Variants in ZNF513 observed in about 807,000 individuals in gnomAD.
ZNF513 encodes the protein zinc finger protein 513.
In ZNF513, 16 loss-of-function variants were observed where a neutral mutation model predicts 39.7. The observed-to-expected ratio is 0.40, with a 90% CI of 0.27 to 0.61. ZNF513 has a LOEUF of 0.61. Among genes scored for constraint, ZNF513 ranks in the 20% least tolerant of loss-of-function variants. The probability of loss-of-function intolerance (pLI) is 0.39; values close to 1 mark genes in which losing one functional copy is unlikely to be tolerated. For synonymous variants in ZNF513, 348 were observed against 296.5 expected, an observed-to-expected ratio of 1.17 and a Z score of -1.79; for missense variants, 699 against 743.6, an observed-to-expected ratio of 0.94 and a Z score of 0.70.
chr2:27,380,083 G>A lies in ZNF513; in HGVS notation c.211+10C>T. The A allele has an allele frequency of 1.9e-6, 3 of 1,613,932 alleles. No homozygotes were observed. The highest frequency in any genetic ancestry group is 1.7e-5 in the Admixed American group (1 of 60,008). Reference sequence around the variant, plus strand: ...GGCCGCTAATCCTTAACCAAGACCCGAAAACCCACCTTCCGAGTCTCTCTC... The same window carrying A: ...GGCCGCTAATCCTTAACCAAGACCCAAAAACCCACCTTCCGAGTCTCTCTC... On this transcript the variant is annotated intron_variant, in intron 2 of 3. Transcript: ENST00000323703.
Position 27,378,381 on chromosome 2 carries a change from C to CAAAG in ZNF513, c.800-14_800-11dup, listed in dbSNP as rs1553311728. 1.9e-6 allele frequency: 3 copies of CAAAG among 1,606,404 alleles called. No individual in the cohort carries two copies. Among genetic ancestry groups the CAAAG allele is most frequent in the Non-Finnish European group, 2.5e-6 (3 of 1,179,922 alleles). ...GGAAGGAGCAGAGCATCTGTGGGGA[C>CAAAG]AAAGACCTGGGCTATGAATCCAATC... On this transcript the variant is annotated splice_polypyrimidine_tract_variant and intron_variant, in intron 3 of 3. Coordinates refer to ENST00000323703, the MANE Select transcript of ZNF513 (RefSeq NM_144631.6). The surrounding 1 kb of genome is among the most constrained non-coding windows in gnomAD (Gnocchi z 8.0).
In ZNF513 at chr2:27,378,768, C is replaced by G; in HGVS notation, c.498G>C (p.Lys166Asn). 1 of 1,614,034 alleles carries G rather than the reference C, an allele frequency of 6.2e-7. No individual in the cohort carries two copies. Among genetic ancestry groups the G allele is most frequent in the Non-Finnish European group, 8.5e-7 (1 of 1,179,942 alleles). The change falls in exon 3 of 4, where the codon AAG becomes AAC. Residue 166 changes from lysine to asparagine, a missense_variant. By Grantham distance (94) the Lys-to-Asn change is moderately conservative. Transcript: ENST00000323703. This position sits in a 1 kb window ranked among gnomAD's most constrained non-coding sequence, Gnocchi z 8.0. Reference sequence around the variant, plus strand: ...CTCCGCTGTGTGTCTGCATGTGCCGCTTCAGGTGGCTCGAGTAGTGGGACA... The same window carrying G: ...CTCCGCTGTGTGTCTGCATGTGCCGGTTCAGGTGGCTCGAGTAGTGGGACA... ...TFVSHYSSHL[K>N]RHMQTHSGEK...
intron 2 of ZNF513, among the ~76,000 whole-genome samples, chr2:27,379,814 G>T (rs984617790): frequency 2.0e-5 from 3 of 152,164 alleles, no homozygotes; most frequent in Non-Finnish European, 4.4e-5. Flanking sequence ...CATAAGGAAT[G>T]GGCTAGGGAG....
rs748307245 is a variant in ZNF513, at chr2:27,378,614, G to C, written c.652C>G (p.Leu218Val). 6.2e-7 allele frequency: 1 copy of C among 1,613,904 alleles called. No homozygotes were observed. Among genetic ancestry groups the C allele is most frequent in the South Asian group, 1.1e-5 (1 of 91,078 alleles). ...CGCTGATGCCGCCTCAGGTTGCCCA[G>C]GCTGCTGCAGGCAAAGGGGCAGTGG... is the stretch of plus-strand genomic sequence containing the variant. Reference protein sequence around the residue: ...CPHCPFACSSLGNLRRHQRTH... With the variant: ...CPHCPFACSSVGNLRRHQRTH... The change falls in exon 3 of 4, where the codon CTG becomes GTG. Residue 218 changes from leucine to valine, a missense_variant. Leu to Val is a conservative substitution (Grantham distance 32, BLOSUM62 1). Coordinates refer to ENST00000323703, the MANE Select transcript of ZNF513 (RefSeq NM_144631.6). This position sits in a 1 kb window ranked among gnomAD's most constrained non-coding sequence, Gnocchi z 8.0.
intron 1 of ZNF513, 64 bp downstream of exon 1, chr2:27,380,408 G>T (rs559102215): frequency 1.9e-6 from 3 of 1,575,394 alleles, no homozygotes; most frequent in South Asian, 1.1e-5. Context: ...CCTCCACCCT[G>T]ACCTGAGCCC....
In ZNF513 at chr2:27,377,352, G is replaced by GGGCC; in HGVS notation, c.*189_*192dup. The GGGCC allele has an allele frequency of 1.4e-6, 1 of 715,822 alleles. No individual in the cohort carries two copies. The highest frequency in any genetic ancestry group is 2.5e-6 in the Non-Finnish European group (1 of 397,900). The allele number at this position is 715,822 out of a possible 1,614,324, so 44.3% of individuals were successfully genotyped here. A position where few individuals can be genotyped will look rare whatever the true frequency, so the allele number is the denominator to read the frequency against. On this transcript the variant is annotated 3_prime_UTR_variant, in exon 4 of 4. Transcript: ENST00000323703. The surrounding 1 kb of genome is among the most constrained non-coding windows in gnomAD (Gnocchi z 4.4). ...CCTGGGGGCAGTGGAGGTGAATACA[G>GGGCC]GGCCCTTCTCACTGAGCTCGTGAAG...
Position 27,377,415 on chromosome 2 carries a change from CCCCCCCGCCCAT to C in ZNF513, c.*118_*129del, listed in dbSNP as rs1683364330. 1 of 1,013,540 alleles carries C rather than the reference CCCCCCCGCCCAT, an allele frequency of 9.9e-7. No individual in the cohort carries two copies. The highest frequency in any genetic ancestry group is 1.5e-6 in the Non-Finnish European group (1 of 667,280). The allele number at this position is 1,013,540 out of a possible 1,614,324, so 62.8% of individuals were successfully genotyped here. A position where few individuals can be genotyped will look rare whatever the true frequency, so the allele number is the denominator to read the frequency against. Reference sequence around the variant, plus strand: ...GGCAAGGTCCCCTGGTCCATATGGGCCCCCCCGCCCATGGGGTTGGGCTGGTCCTTATAGTGC... The same window carrying C: ...GGCAAGGTCCCCTGGTCCATATGGGCGGGGTTGGGCTGGTCCTTATAGTGC... On this transcript the variant is annotated 3_prime_UTR_variant, in exon 4 of 4. Coordinates refer to ENST00000323703, the MANE Select transcript of ZNF513 (RefSeq NM_144631.6). This position sits in a 1 kb window ranked among gnomAD's most constrained non-coding sequence, Gnocchi z 4.4.
rs757199794 is a variant in ZNF513 at position 27,380,181 on chromosome 2, G to A, written c.123C>T (p.Gly41=). Residue 41 remains glycine, a synonymous_variant, in exon 2 of 4, where the codon GGC becomes GGT. Coordinates refer to ENST00000323703, the MANE Select transcript of ZNF513 (RefSeq NM_144631.6). ...CTTCCTCCTCAAACTCCAGATCCTGGCCTAGTAGCAAATCACTCTCCAATA... is the reference window on the plus strand; with the variant it reads ...CTTCCTCCTCAAACTCCAGATCCTGACCTAGTAGCAAATCACTCTCCAATA... ...ALVLESDLLL[G]QDLEFEEEEE... 3.1e-6 allele frequency: 5 copies of A among 1,613,954 alleles called. No homozygotes were observed. Among genetic ancestry groups the A allele is most frequent in the Non-Finnish European group, 4.2e-6 (5 of 1,179,980 alleles).
rs35652129 is a variant in ZNF513, at chr2:27,378,285, C to T, written c.886G>A (p.Gly296Arg). Reference protein sequence around the residue: ...LPDCGQLRGEGEGLCGTGSEP... With the variant: ...LPDCGQLRGEREGLCGTGSEP... ...GATCCAGTCCCGCAGAGGCCCTCCCCTTCACCCCGCAGCTGCCCACAGTCT... is the reference window on the plus strand; with the variant it reads ...GATCCAGTCCCGCAGAGGCCCTCCCTTTCACCCCGCAGCTGCCCACAGTCT... The change falls in exon 4 of 4, where the codon GGG becomes AGG. Residue 296 changes from glycine to arginine, a missense_variant. Physicochemically the swap from Gly to Arg is moderately radical, Grantham distance 125. Transcript: ENST00000323703. The surrounding 1 kb of genome is among the most constrained non-coding windows in gnomAD (Gnocchi z 8.0). 194 of 1,600,962 alleles carry T rather than the reference C, an allele frequency of 1.2e-4. No homozygotes were observed. The highest frequency in any genetic ancestry group is 1.6e-4 in the Non-Finnish European group (190 of 1,179,956).
At position 27,378,190 on chromosome 2, in the gene ZNF513, C is replaced by A. The variant is rs764482406; in HGVS notation, c.981G>T (p.Glu327Asp). ...RGCGQELEEG[E>D]GSRLGAAMCG... is the part of the protein sequence containing the mutation. ...ACATGGCAGCTCCCAGCCGACTACC[C>A]TCACCCTCCTCCAGCTCTTGTCCAC... The change falls in exon 4 of 4, where the codon GAG becomes GAT. Residue 327 changes from glutamate to aspartate, a missense_variant. Transcript: ENST00000323703. The surrounding 1 kb of genome is among the most constrained non-coding windows in gnomAD (Gnocchi z 8.0). 3 of 1,610,582 alleles carry A rather than the reference C, an allele frequency of 1.9e-6. No individual in the cohort carries two copies. The East Asian group carries it at 6.7e-5, about 36-fold the overall frequency.
chr2:27,378,250 C>T lies in ZNF513; in HGVS notation c.921G>A (p.Leu307=), dbSNP rs769624885. The change falls in exon 4 of 4, where the codon CTG becomes CTA. Residue 307 remains leucine, a synonymous_variant. Coordinates refer to ENST00000323703, the MANE Select transcript of ZNF513 (RefSeq NM_144631.6). The surrounding 1 kb of genome is among the most constrained non-coding windows in gnomAD (Gnocchi z 8.0). ...EGLCGTGSEP[L]PELLFPWTCR... ...AGGTCCAAGGGAATAGCAGCTCTGG[C>T]AGTGGTTCTGATCCAGTCCCGCAGA... 2.5e-6 allele frequency: 4 copies of T among 1,602,342 alleles called. No homozygotes were observed. Among genetic ancestry groups the T allele is most frequent in the East Asian group, 2.2e-5 (1 of 44,888 alleles).
rs1300071166 is a variant in ZNF513 at position 27,377,265 on chromosome 2, TGAAATAA to T, written c.*273_*279del. On this transcript the variant is annotated 3_prime_UTR_variant, in exon 4 of 4. Transcript: ENST00000323703. This position sits in a 1 kb window ranked among gnomAD's most constrained non-coding sequence, Gnocchi z 4.4. ...TAGTGTTTCCTTTATTATAAAGCAC[TGAAATAA>T]GTTAAATAAACAGGTGGGAGGCTGG... 2 of 595,422 alleles carry T rather than the reference TGAAATAA, an allele frequency of 3.4e-6. No individual in the cohort carries two copies. The highest frequency in any genetic ancestry group is 3.7e-5 in the African/African-American group (2 of 53,698). 36.9% of individuals were successfully genotyped at this position (595,422 alleles called of 1,614,324 possible).
Position 27,378,890 on chromosome 2 carries a change from G to GCC in ZNF513, c.374_375dup (p.Pro126GlyfsTer41). The stretch of plus-strand genomic sequence containing the variant: ...CCACAACACGGCCCCTCACCTGTCG[G>GCC]CCCCCCACACAGCTGGCAGGCTGGG... On this transcript the variant is annotated frameshift_variant, in exon 3 of 4. Coordinates refer to ENST00000323703, the MANE Select transcript of ZNF513 (RefSeq NM_144631.6). LOFTEE classifies it high-confidence loss of function. This position sits in a 1 kb window ranked among gnomAD's most constrained non-coding sequence, Gnocchi z 8.0. 1 of 1,602,972 alleles carries GCC rather than the reference G, an allele frequency of 6.2e-7. No homozygotes were observed. Among genetic ancestry groups the GCC allele is most frequent in the Non-Finnish European group, 8.5e-7 (1 of 1,174,564 alleles).
chr2:27,379,473 C>A (rs756138982), intron 2 of ZNF513, among the ~76,000 whole-genome samples: 56 of 152,180 alleles, frequency 3.7e-4, no homozygotes, highest in Non-Finnish European at 7.3e-4. Flanking sequence ...TAAAACCTAT[C>A]TCTGAGGCAA....
Position 27,377,536 on chromosome 2 carries a change from G to C in ZNF513, c.*9C>G. ...CGTCTGTATAAAACATGGGGAAGAA[G>C]GACCTAGTTCAGGATGAGTCTGTGT... On this transcript the variant is annotated 3_prime_UTR_variant, in exon 4 of 4. Coordinates refer to ENST00000323703, the MANE Select transcript of ZNF513 (RefSeq NM_144631.6). This position sits in a 1 kb window ranked among gnomAD's most constrained non-coding sequence, Gnocchi z 4.4. 2 of 1,613,744 alleles carry C rather than the reference G, an allele frequency of 1.2e-6. No homozygotes were observed. Among genetic ancestry groups the C allele is most frequent in the Non-Finnish European group, 1.7e-6 (2 of 1,179,816 alleles).
In ZNF513 at chr2:27,377,451, G is replaced by T. The variant is rs1683369043; in HGVS notation, c.*94C>A. On this transcript the variant is annotated 3_prime_UTR_variant, in exon 4 of 4. Coordinates refer to ENST00000323703, the MANE Select transcript of ZNF513 (RefSeq NM_144631.6). The surrounding 1 kb of genome is among the most constrained non-coding windows in gnomAD (Gnocchi z 4.4). ...ATGGGGTTGGGCTGGTCCTTATAGT[G>T]CCTACGTTAGTCTGTGTGGAGCCCC... 1 of 1,393,096 alleles carries T rather than the reference G, an allele frequency of 7.2e-7. No homozygotes were observed. Among genetic ancestry groups the T allele is most frequent in the Non-Finnish European group, 1.0e-6 (1 of 994,966 alleles). The allele number at this position is 1,393,096 out of a possible 1,614,324, so 86.3% of individuals were successfully genotyped here. A position where few individuals can be genotyped will look rare whatever the true frequency, so the allele number is the denominator to read the frequency against.
rs1683360126 is a variant in ZNF513, at chr2:27,377,386, T to C, written c.*159A>G. 4 of 799,762 alleles carry C rather than the reference T, an allele frequency of 5.0e-6. No homozygotes were observed. The highest frequency in any genetic ancestry group is 2.1e-6 in the Non-Finnish European group (1 of 474,172). The allele number at this position is 799,762 out of a possible 1,614,324, so 49.5% of individuals were successfully genotyped here. The stretch of plus-strand genomic sequence containing the variant: ...TCACTGAGCTCGTGAAGTGCCTCAG[T>C]CAAGGCAAGGTCCCCTGGTCCATAT... On this transcript the variant is annotated 3_prime_UTR_variant, in exon 4 of 4. Transcript: ENST00000323703. This position sits in a 1 kb window ranked among gnomAD's most constrained non-coding sequence, Gnocchi z 4.4.
chr2:27,379,975 G>A, intron 2 of ZNF513, 118 bp downstream of exon 2: 2 of 1,374,634 alleles, frequency 1.5e-6, no homozygotes, highest in Non-Finnish European at 2.1e-6. Flanking sequence ...TAGCTCAAAT[G>A]TAAACTAAAC....
chr2:27,377,436 GC>G lies in ZNF513; in HGVS notation c.*108del. 7.9e-7 allele frequency: 1 copy of G among 1,262,472 alleles called. No homozygotes were observed. The allele number at this position is 1,262,472 out of a possible 1,614,324, so 78.2% of individuals were successfully genotyped here. On this transcript the variant is annotated 3_prime_UTR_variant, in exon 4 of 4. Transcript: ENST00000323703. This position sits in a 1 kb window ranked among gnomAD's most constrained non-coding sequence, Gnocchi z 4.4. The stretch of plus-strand genomic sequence containing the variant: ...TGGGCCCCCCCGCCCATGGGGTTGG[GC>G]TGGTCCTTATAGTGCCTACGTTAGT...
Sources: gnomAD v4.1 joint callset for allele counts (sites outside exome capture counted in the v4.1 genomes callset) on GRCh38, gnomAD v4.1.1 for gene constraint, Gnocchi (gnomAD v3.1) non-coding constraint, MANE v1.5 for transcripts, NCBI Gene and HGNC (gene_info 2026-07-23, HGNC 2026-07-21) for gene names.